Variants in ITFG1 observed in about 807,000 individuals in gnomAD.
The protein encoded by ITFG1 is integrin alpha FG-GAP repeat containing 1, also known as T-cell immunomodulatory protein.
A neutral mutation model predicts 81.8 loss-of-function variants in ITFG1; 34 were observed. That is an observed-to-expected ratio of 0.42 (90% CI 0.32 to 0.55). The LOEUF is 0.55. ITFG1 is among the 20% of genes least tolerant of loss of function. ITFG1 has a pLI of 0.17. For synonymous variants in ITFG1, 285 were observed against 270.6 expected, an observed-to-expected ratio of 1.05 and a Z score of -0.52; for missense variants, 672 against 755.4, an observed-to-expected ratio of 0.89 and a Z score of 1.29.
intron 5 of ITFG1, among the ~76,000 whole-genome samples, chr16:47,450,974 T>C (rs1969381277): frequency 6.6e-6 from 1 of 152,190 alleles, no homozygotes; most frequent in Non-Finnish European, 1.5e-5. Flanking sequence ...AGTGCTTATA[T>C]TACTAGACCG....
chr16:47,235,512 T>A (rs1965863229), intron 13 of ITFG1, among the ~76,000 whole-genome samples: 1 of 152,158 alleles, frequency 6.6e-6, no homozygotes, highest in South Asian at 2.1e-4. Context: ...TAGCTAAAAC[T>A]GAATATGAAT....
Position 47,451,277 on chromosome 16 carries a change from C to T in ITFG1, c.560+119G>A. On this transcript the variant is annotated intron_variant, in intron 5 of 17. Coordinates refer to ENST00000320640, the MANE Select transcript of ITFG1 (RefSeq NM_030790.5). ...ATTTGAGAAAGCTTATATATATTAACCAAATGCCCACTTAAAAATCTTTAA... is the reference window on the plus strand; with the variant it reads ...ATTTGAGAAAGCTTATATATATTAATCAAATGCCCACTTAAAAATCTTTAA... 12 of 595,312 alleles carry T rather than the reference C, an allele frequency of 2.0e-5. No individual in the cohort carries two copies. The South Asian group carries it at 2.1e-4, about 10-fold the overall frequency. The allele number at this position is 595,312 out of a possible 1,614,324, so 36.9% of individuals were successfully genotyped here.
chr16:47,314,225 C>A (rs1967315757), intron 8 of ITFG1, among the ~76,000 whole-genome samples: 1 of 152,094 alleles, frequency 6.6e-6, no homozygotes, highest in African/African-American at 2.4e-5. Context: ...TGGTAAGAGA[C>A]CCCATTTCAG....
intron 10 of ITFG1, among the ~76,000 whole-genome samples, chr16:47,304,499 T>C (rs975477412): frequency 1.3e-5 from 2 of 152,240 alleles, no homozygotes; most frequent in Non-Finnish European, 2.9e-5. Context: ...TTCAGTTAAC[T>C]GTATGTGAGA....
intron 6 of ITFG1, among the ~76,000 whole-genome samples, chr16:47,382,784 C>A (rs1596946782): frequency 6.6e-6 from 1 of 152,288 alleles, no homozygotes; most frequent in South Asian, 2.1e-4. Flanking sequence ...AACCTGTTAA[C>A]TGCACTGAAA....
chr16:47,299,054 A>G (rs1044285319), intron 10 of ITFG1, among the ~76,000 whole-genome samples: 1 of 152,066 alleles, frequency 6.6e-6, no homozygotes, highest in South Asian at 2.1e-4. Context: ...CCCTGGTGAA[A>G]TCTGCTGAGG....
At chr16:47,380,085 C>T (rs1968377368) in intron 6 of ITFG1, among the ~76,000 whole-genome samples, 1 of 151,212 alleles carries the variant, frequency 6.6e-6, no homozygotes, top group South Asian at 2.1e-4. Flanking sequence ...TCTCACATCC[C>T]ACACCAAAAG....
intron 12 of ITFG1, among the ~76,000 whole-genome samples, chr16:47,241,043 A>G (rs973358736): frequency 6.6e-6 from 1 of 151,678 alleles, no homozygotes; most frequent in Non-Finnish European, 1.5e-5. Flanking sequence ...CGTTTTTACC[A>G]CAATTTAAAT....
At chr16:47,419,522 T>A (rs985582814) in intron 6 of ITFG1, among the ~76,000 whole-genome samples, 6 of 151,668 alleles carry the variant, frequency 4.0e-5, no homozygotes, top group African/African-American at 1.5e-4. Context: ...TCCACCCAAC[T>A]TGGACTCTCA....
At chr16:47,287,020 T>C (rs931260858) in intron 10 of ITFG1, among the ~76,000 whole-genome samples, 1 of 152,184 alleles carries the variant, frequency 6.6e-6, no homozygotes, top group Non-Finnish European at 1.5e-5. Flanking sequence ...TTCAAAAGTT[T>C]GGCTTTTTGA....
chr16:47,424,927 C>T (rs1468170146), intron 6 of ITFG1, among the ~76,000 whole-genome samples: 1 of 152,126 alleles, frequency 6.6e-6, no homozygotes, highest in Non-Finnish European at 1.5e-5. Context: ...TGTCCGTTCT[C>T]GGAGTTGGAA....
At chr16:47,271,837 C>T (rs528281775) in intron 10 of ITFG1, among the ~76,000 whole-genome samples, 13 of 152,170 alleles carry the variant, frequency 8.5e-5, no homozygotes, top group East Asian at 7.7e-4. Context: ...CCAGCCTGGG[C>T]GACAGAGCGA....
intron 14 of ITFG1, among the ~76,000 whole-genome samples, chr16:47,176,456 T>A (rs1242592074): frequency 6.6e-6 from 1 of 152,152 alleles, no homozygotes; most frequent in African/African-American, 2.4e-5. Flanking sequence ...AAGCGAAGAC[T>A]CTGAAAGAAA....
Position 47,411,549 on chromosome 16 carries a change from G to A in ITFG1, c.655+17255C>T, listed in dbSNP as rs570345670. Reference sequence around the variant, plus strand: ...AGAGGTCCCCTGCCCTTGACCTACTGCATGAACAGACCACTTGCAGACATA... The same window carrying A: ...AGAGGTCCCCTGCCCTTGACCTACTACATGAACAGACCACTTGCAGACATA... On this transcript the variant is annotated intron_variant, in intron 6 of 17. Coordinates refer to ENST00000320640, the MANE Select transcript of ITFG1 (RefSeq NM_030790.5). Among the ~76,000 whole-genome samples the A allele has an allele frequency of 3.8e-4, 58 of 152,270 alleles. 2 individuals are homozygous for A. The South Asian group carries it at 0.011, about 30-fold the overall frequency.
chr16:47,183,534 C>T (rs1051563018), intron 14 of ITFG1, among the ~76,000 whole-genome samples: 5 of 152,226 alleles, frequency 3.3e-5, no homozygotes, highest in East Asian at 1.9e-4. Flanking sequence ...CAGACTGACA[C>T]CTCGCACGGC....
chr16:47,264,618 G>A (rs1464463776), intron 10 of ITFG1, among the ~76,000 whole-genome samples: 1 of 149,228 alleles, frequency 6.7e-6, no homozygotes, highest in Non-Finnish European at 1.5e-5. Flanking sequence ...TTTTTCTTTG[G>A]GAACTTGTAC....
intron 14 of ITFG1, among the ~76,000 whole-genome samples, chr16:47,171,368 A>G (rs1483389517): frequency 5.3e-5 from 8 of 152,166 alleles, no homozygotes; most frequent in African/African-American, 1.7e-4. Context: ...TTTAACTTCT[A>G]TAAGGTCAGC....
At chr16:47,458,855 T>G (rs1278169152) in intron 2 of ITFG1, among the ~76,000 whole-genome samples, 4 of 151,900 alleles carry the variant, frequency 2.6e-5, no homozygotes, top group African/African-American at 9.7e-5. Context: ...GATACGAGAT[T>G]GCAAGGAAAT....
At chr16:47,162,699 T>C in intron 14 of ITFG1, 35 bp from the exon 15 acceptor site, 2 of 1,553,582 alleles carry the variant, frequency 1.3e-6, no homozygotes, top group Non-Finnish European at 1.7e-6. Context: ...ATTAAAAACA[T>C]CTCTGGAAAC....
Sources: allele counts gnomAD v4.1 joint callset (sites outside exome capture counted in the v4.1 genomes callset), GRCh38; gene constraint gnomAD v4.1.1; transcripts MANE v1.5; gene names NCBI Gene and HGNC (gene_info 2026-07-23, HGNC 2026-07-21).